Variants in SCD5 observed in about 807,000 individuals in gnomAD.
SCD5 encodes the protein acyl-CoA-desaturase 4.
SCD5 carries 20 observed loss-of-function variants against 30.4 expected under a neutral mutation model. The observed-to-expected ratio is 0.66, with a 90% CI of 0.46 to 0.96. The LOEUF (loss-of-function observed/expected upper bound fraction) is 0.96. Ranked by LOEUF, SCD5 falls within the 40% of genes least tolerant of loss-of-function variation. The pLI, the probability that SCD5 is intolerant of heterozygous loss-of-function variation, is 0.00. For synonymous variants in SCD5, 173 were observed against 176.4 expected, an observed-to-expected ratio of 0.98 and a Z score of 0.16; for missense variants, 381 against 443.3, an observed-to-expected ratio of 0.86 and a Z score of 1.26.
intron 3 of SCD5, among the ~76,000 whole-genome samples, chr4:82,639,483 C>A (rs1050420702): frequency 6.6e-6 from 1 of 152,264 alleles, no homozygotes; most frequent in Admixed American, 6.5e-5. Context: ...ATTATCCTTG[C>A]ATCATCTGGG....
chr4:82,660,725 A>G, intron 3 of SCD5: 1 of 1,459,096 alleles, frequency 6.9e-7, no homozygotes, highest in Non-Finnish European at 9.0e-7. Context: ...CCTTGTGTCA[A>G]CTGATTGAAT....
chr4:82,631,166 C>T lies in SCD5; in HGVS notation c.*161G>A. 1 of 541,498 alleles carries T rather than the reference C, an allele frequency of 1.8e-6. No homozygotes were observed. 33.5% of individuals were successfully genotyped at this position (541,498 alleles called of 1,614,324 possible). ...AGTTTTTTCATTGATAATTGTATTT[C>T]AACATTATTTTGAGATAAACAAAAA... On this transcript the variant is annotated 3_prime_UTR_variant, in exon 5 of 5. Coordinates refer to ENST00000319540, the MANE Select transcript of SCD5 (RefSeq NM_001037582.3).
At chr4:82,662,867 A>C (rs1023306093) in intron 3 of SCD5, among the ~76,000 whole-genome samples, 4 of 152,008 alleles carry the variant, frequency 2.6e-5, no homozygotes, top group Non-Finnish European at 2.9e-5. Flanking sequence ...CAAAAAAAAA[A>C]AAAAAAAAAC....
At chr4:82,737,934 A>G (rs1720785328) in intron 1 of SCD5, among the ~76,000 whole-genome samples, 1 of 144,842 alleles carries the variant, frequency 6.9e-6, no homozygotes, top group South Asian at 2.4e-4. Context: ...TACAGATTGG[A>G]CCTGAGGTCA....
At chr4:82,651,620 A>C (rs930967367) in intron 3 of SCD5, among the ~76,000 whole-genome samples, 6 of 152,318 alleles carry the variant, frequency 3.9e-5, no homozygotes, top group Middle Eastern at 3.4e-3. Flanking sequence ...TGAAATAAAA[A>C]ATTAAAAAAT....
intron 3 of SCD5, among the ~76,000 whole-genome samples, chr4:82,665,267 G>C (rs2174631): frequency 0.34 from 45,755 of 134,930 alleles, 8,234 homozygotes; most frequent in African/African-American, 0.48. Context: ...CAAAGAAAAA[G>C]AGAAACAGGT....
chr4:82,718,642 T>A (rs915405396), intron 1 of SCD5, among the ~76,000 whole-genome samples: 3 of 151,810 alleles, frequency 2.0e-5, no homozygotes, highest in Non-Finnish European at 4.4e-5. Context: ...AAGATGAAAT[T>A]TAATAATGCA....
chr4:82,649,289 G>A (rs892920496), intron 3 of SCD5, among the ~76,000 whole-genome samples: 1 of 151,492 alleles, frequency 6.6e-6, no homozygotes. Context: ...CACATTTCAG[G>A]TATGCTTAGT....
intron 1 of SCD5, among the ~76,000 whole-genome samples, chr4:82,739,415 G>A (rs1393114080): frequency 6.6e-6 from 1 of 152,220 alleles, no homozygotes; most frequent in Non-Finnish European, 1.5e-5. Context: ...TAAATTTCCA[G>A]CAATTTATGA....
chr4:82,733,426 C>G (rs570633965), intron 1 of SCD5, among the ~76,000 whole-genome samples: 1 of 152,324 alleles, frequency 6.6e-6, no homozygotes, highest in East Asian at 1.9e-4. Flanking sequence ...GTTACCCTCT[C>G]TGCCTATTTC....
At chr4:82,754,136 A>G (rs919531774) in intron 1 of SCD5, among the ~76,000 whole-genome samples, 9 of 152,172 alleles carry the variant, frequency 5.9e-5, no homozygotes, top group African/African-American at 2.2e-4. Context: ...TCTTATGTGG[A>G]GGAAAACTTA....
chr4:82,776,427 G>A (rs1252844234), intron 1 of SCD5, among the ~76,000 whole-genome samples: 2 of 152,236 alleles, frequency 1.3e-5, no homozygotes, highest in African/African-American at 4.8e-5. Context: ...AAAAATAGGT[G>A]AAGACTGTCT....
intron 3 of SCD5, chr4:82,660,375 T>A (rs1290773917): frequency 1.3e-6 from 1 of 759,888 alleles, no homozygotes; most frequent in Non-Finnish European, 1.6e-6. Context: ...ATACTTATGT[T>A]TTTATTTATA....
Position 82,680,926 on chromosome 4 carries a change from G to T in SCD5, c.364-14C>A. Reference sequence around the variant, plus strand: ...GAAGATGTCATTCTGCAGAGAGAATGAGAGCCTGAGTGAAGAGAGGAACCG... The same window carrying T: ...GAAGATGTCATTCTGCAGAGAGAATTAGAGCCTGAGTGAAGAGAGGAACCG... On this transcript the variant is annotated splice_polypyrimidine_tract_variant and intron_variant, in intron 2 of 4. Transcript: ENST00000319540. 1 of 1,607,712 alleles carries T rather than the reference G, an allele frequency of 6.2e-7. No homozygotes were observed. The highest frequency in any genetic ancestry group is 1.1e-5 in the South Asian group (1 of 90,998).
intron 2 of SCD5, among the ~76,000 whole-genome samples, chr4:82,684,609 A>T (rs1403358365): frequency 6.6e-6 from 1 of 152,110 alleles, no homozygotes; most frequent in Non-Finnish European, 1.5e-5. Flanking sequence ...TACAGTCAGT[A>T]TGTGCTTTAG....
chr4:82,669,766 C>T (rs1728268502), intron 3 of SCD5, among the ~76,000 whole-genome samples: 1 of 152,124 alleles, frequency 6.6e-6, no homozygotes, highest in South Asian at 2.1e-4. Flanking sequence ...TTGAAATATA[C>T]CAGAGTATTC....
At chr4:82,631,572 G>T in intron 4 of SCD5, 55 bp from the exon 5 acceptor site, 1 of 1,559,612 alleles carries the variant, frequency 6.4e-7, no homozygotes, top group Non-Finnish European at 8.8e-7. Context: ...CTGCATAGAT[G>T]TTTTGAATCA....
chr4:82,734,126 T>G (rs1720697912), intron 1 of SCD5, among the ~76,000 whole-genome samples: 1 of 152,128 alleles, frequency 6.6e-6, no homozygotes, highest in South Asian at 2.1e-4. Flanking sequence ...CATCAGAGAA[T>G]GCCAAGCTTA....
At chr4:82,758,067 A>G (rs1721269397) in intron 1 of SCD5, among the ~76,000 whole-genome samples, 1 of 152,184 alleles carries the variant, frequency 6.6e-6, no homozygotes, top group Non-Finnish European at 1.5e-5. Context: ...CATCTCTGTG[A>G]GGAATAAGTA....
Sources: allele counts gnomAD v4.1 joint callset (sites outside exome capture counted in the v4.1 genomes callset), GRCh38; gene constraint gnomAD v4.1.1; transcripts MANE v1.5; gene names NCBI Gene and HGNC (gene_info 2026-07-23, HGNC 2026-07-21).